Variants in LRP1B observed in about 807,000 individuals in gnomAD.
The protein encoded by LRP1B is low-density lipoprotein receptor-related protein 1B.
LRP1B carries 217 observed loss-of-function variants against 556.6 expected under a neutral mutation model. The ratio of observed to expected loss-of-function variants is 0.39; its 90% CI spans 0.35 to 0.44. The LOEUF (loss-of-function observed/expected upper bound fraction) is 0.44. Among genes scored for constraint, LRP1B ranks in the 20% least tolerant of loss-of-function variants. The probability of loss-of-function intolerance (pLI) is 1.00; values close to 1 mark genes in which losing one functional copy is unlikely to be tolerated. For synonymous variants in LRP1B, 2,047 were observed against 1,865.8 expected (o/e 1.10, Z -2.50); for missense variants, 5,053 against 5,620.8 (o/e 0.90, Z 3.23).
intron 83 of LRP1B, among the ~76,000 whole-genome samples, chr2:140,312,053 C>T (rs930348252): frequency 3.3e-5 from 5 of 151,546 alleles, no homozygotes. Flanking sequence ...AGAAGGAATG[C>T]TCTTTACTTC....
intron 4 of LRP1B, among the ~76,000 whole-genome samples, chr2:141,252,188 C>T (rs1342547500): frequency 1.3e-5 from 2 of 149,478 alleles, no homozygotes; most frequent in African/African-American, 2.5e-5. Flanking sequence ...TCCTCTCACC[C>T]CCACCACCCC....
chr2:142,044,359 A>G (rs1704179440), intron 1 of LRP1B, among the ~76,000 whole-genome samples: 1 of 151,774 alleles, frequency 6.6e-6, no homozygotes, highest in African/African-American at 2.4e-5. Context: ...GTATAGTCCA[A>G]AAGTAAACTG....
intron 49 of LRP1B, among the ~76,000 whole-genome samples, chr2:140,525,193 C>T (rs746508602): frequency 6.6e-6 from 1 of 151,580 alleles, no homozygotes; most frequent in Non-Finnish European, 1.5e-5. Context: ...TTAATAGTGT[C>T]CTATATAGAA....
intron 2 of LRP1B, among the ~76,000 whole-genome samples, chr2:141,584,442 T>C (rs1299952312): frequency 6.6e-6 from 1 of 152,110 alleles, no homozygotes; most frequent in Non-Finnish European, 1.5e-5. Context: ...GAATCGACCA[T>C]ACTAATTTAT....
intron 41 of LRP1B, among the ~76,000 whole-genome samples, chr2:140,626,076 CAT>C (rs1195418951): frequency 6.6e-6 from 1 of 152,092 alleles, no homozygotes; most frequent in African/African-American, 2.4e-5. Flanking sequence ...CATGAAAAGA[CAT>C]AGAGAAAACT....
chr2:140,665,771 T>A (rs942645318), intron 41 of LRP1B, among the ~76,000 whole-genome samples: 2 of 152,148 alleles, frequency 1.3e-5, no homozygotes, highest in African/African-American at 4.8e-5. Flanking sequence ...CTAAAACGCA[T>A]GCTAGATTTT....
chr2:140,320,331 GTAC>G (rs1280687748), intron 82 of LRP1B, among the ~76,000 whole-genome samples: 2 of 152,124 alleles, frequency 1.3e-5, no homozygotes, highest in Non-Finnish European at 2.9e-5. Context: ...TAAAATGAAA[GTAC>G]TACAATAGTT....
intron 41 of LRP1B, among the ~76,000 whole-genome samples, chr2:140,680,844 G>T (rs1685835564): frequency 6.6e-6 from 1 of 152,162 alleles, no homozygotes; most frequent in Admixed American, 6.5e-5. Flanking sequence ...CCATAGGCAA[G>T]AAAAAGTGTG....
Position 140,650,297 on chromosome 2 carries a change from CTTTATT to C in LRP1B, c.6800-48664_6800-48659del, listed in dbSNP as rs1325068241. 1.3e-4 allele frequency among the ~76,000 whole-genome samples: 20 copies of C among 148,232 alleles called. 1 individual carries two copies. The highest frequency in any genetic ancestry group is 3.5e-3 in the Middle Eastern group (1 of 284). Reference sequence around the variant, plus strand: ...CTCCGATAGAAAGTTAGTTAAATCACTTTATTTTTATTTTTATTTATTTATTTATTT... The same window carrying C: ...CTCCGATAGAAAGTTAGTTAAATCACTTTATTTTTATTTATTTATTTATTT... On this transcript the variant is annotated intron_variant, in intron 41 of 90. Transcript: ENST00000389484.
intron 3 of LRP1B, among the ~76,000 whole-genome samples, chr2:141,345,882 G>T (rs1688238555): frequency 6.6e-6 from 1 of 151,650 alleles, no homozygotes; most frequent in Admixed American, 6.6e-5. Context: ...AATTTTCTTT[G>T]TTTTTTTCCC....
intron 16 of LRP1B, among the ~76,000 whole-genome samples, chr2:140,992,110 T>G (rs1490633149): frequency 6.6e-6 from 1 of 151,840 alleles, no homozygotes; most frequent in African/African-American, 2.4e-5. Flanking sequence ...CAATCTAAGG[T>G]GAAGGCCTAA....
At chr2:141,974,511 T>C (rs952468154) in intron 1 of LRP1B, among the ~76,000 whole-genome samples, 3 of 152,004 alleles carry the variant, frequency 2.0e-5, no homozygotes, top group African/African-American at 7.2e-5. Flanking sequence ...CGGGTTCTGA[T>C]TGCTAAGAAC....
chr2:140,243,746 G>C (rs1170850562), intron 87 of LRP1B, among the ~76,000 whole-genome samples: 2 of 151,040 alleles, frequency 1.3e-5, no homozygotes, highest in Non-Finnish European at 3.0e-5. Context: ...TTGTTCTCTT[G>C]ATACCAGCAC....
chr2:140,855,263 A>C (rs1692579327), intron 27 of LRP1B, among the ~76,000 whole-genome samples: 2 of 151,320 alleles, frequency 1.3e-5, no homozygotes, highest in African/African-American at 4.8e-5. Flanking sequence ...CATTTCCTGC[A>C]TGGATTGTTG....
chr2:140,433,328 C>T (rs1480616430), intron 66 of LRP1B, among the ~76,000 whole-genome samples: 1 of 152,168 alleles, frequency 6.6e-6, no homozygotes, highest in African/African-American at 2.4e-5. Context: ...GAACTCCTGA[C>T]ATCAGGTGAT....
chr2:141,035,289 G>A (rs1020104734), intron 11 of LRP1B, among the ~76,000 whole-genome samples: 18 of 151,706 alleles, frequency 1.2e-4, no homozygotes, highest in African/African-American at 4.1e-4. Context: ...ACACCAGCAT[G>A]GCACATGTAT....
chr2:140,480,103 AAT>A lies in LRP1B; in HGVS notation c.9426-4768_9426-4767del, dbSNP rs546255810. Among the ~76,000 whole-genome samples the A allele has an allele frequency of 1.9e-3, 294 of 152,304 alleles. 1 individual carries two copies. The highest frequency in any genetic ancestry group is 6.8e-3 in the Middle Eastern group (2 of 294). On this transcript the variant is annotated intron_variant, in intron 59 of 90. Transcript: ENST00000389484. The stretch of plus-strand genomic sequence containing the variant: ...AAGACATGACCTTTGTGCTAAAGGA[AAT>A]TACTTTCTAGATGGAGAGAAAGACA...
At chr2:140,319,887 G>T (rs1680006643) in intron 82 of LRP1B, among the ~76,000 whole-genome samples, 1 of 152,044 alleles carries the variant, frequency 6.6e-6, no homozygotes, top group African/African-American at 2.4e-5. Context: ...TCAATAATTG[G>T]CACCAAAATG....
In LRP1B at chr2:141,617,860, T is replaced by C. The variant is rs568581128; in HGVS notation, c.206-137327A>G. Among the ~76,000 whole-genome samples, 10 of 152,152 alleles carry C rather than the reference T, an allele frequency of 6.6e-5. No homozygotes were observed. In the East Asian group the frequency reaches 1.9e-3, roughly 29 times the overall value. Reference sequence around the variant, plus strand: ...GTATACAAGTAATTAACTTTAATAGTCATCAGTATTTTCTCTATCCTAATT... The same window carrying C: ...GTATACAAGTAATTAACTTTAATAGCCATCAGTATTTTCTCTATCCTAATT... On this transcript the variant is annotated intron_variant, in intron 2 of 90. Coordinates refer to ENST00000389484, the MANE Select transcript of LRP1B (RefSeq NM_018557.3).
Sources: gnomAD v4.1 joint callset for allele counts (sites outside exome capture counted in the v4.1 genomes callset) on GRCh38, gnomAD v4.1.1 for gene constraint, MANE v1.5 for transcripts, NCBI Gene and HGNC (gene_info 2026-07-23, HGNC 2026-07-21) for gene names.